The following ITPRID1 variants were observed in gnomAD, a reference collection of about 807,000 sequenced individuals.
ITPRID1 encodes the protein protein ITPRID1.
ITPRID1 carries 96 observed loss-of-function variants against 95.4 expected under a neutral mutation model. The ratio of observed to expected loss-of-function variants is 1.01; its 90% confidence interval spans 0.85 to 1.19. The LOEUF is 1.19. Among genes scored for constraint, ITPRID1 ranks in the 50% most tolerant of loss-of-function variants. The pLI is 0.00. For synonymous variants in ITPRID1, 510 were observed against 453.6 expected (o/e 1.12, Z -1.58); for missense variants, 1,339 against 1,252.9 (o/e 1.07, Z -1.04).
chr7:31,569,124 T>C (rs1784896760), intron 5 of ITPRID1, among the ~76,000 whole-genome samples: 1 of 152,228 alleles, frequency 6.6e-6, no homozygotes. Context: ...GATGCACTAC[T>C]TTTGACTGTA....
At chr7:31,641,358 G>C (rs191665860) in intron 10 of ITPRID1, among the ~76,000 whole-genome samples, 6 of 151,996 alleles carry the variant, frequency 3.9e-5, no homozygotes, top group African/African-American at 7.3e-5. Context: ...GACAGACAAG[G>C]CTCCTCCCTC....
At position 31,565,040 on chromosome 7, in the gene ITPRID1, T is replaced by C. The variant is rs538862818; in HGVS notation, c.257-4718T>C. ...AAATTTACCTTACAAATTAACAAAATGGGGAAAACCAAAACAAAACAACCA... is the reference window on the plus strand; with the variant it reads ...AAATTTACCTTACAAATTAACAAAACGGGGAAAACCAAAACAAAACAACCA... On this transcript the variant is annotated intron_variant, in intron 5 of 14. Transcript: ENST00000615280. Among the ~76,000 whole-genome samples, 12 of 152,216 alleles carry C rather than the reference T, an allele frequency of 7.9e-5. No homozygotes were observed. The South Asian group carries it at 2.5e-3, about 32-fold the overall frequency.
intron 10 of ITPRID1, among the ~76,000 whole-genome samples, chr7:31,606,903 T>G (rs1786649663): frequency 6.6e-6 from 1 of 152,200 alleles, no homozygotes; most frequent in Non-Finnish European, 1.5e-5. Flanking sequence ...GGTAATCTAG[T>G]AAATCTAATA....
chr7:31,567,254 G>A (rs1667162802), intron 5 of ITPRID1, among the ~76,000 whole-genome samples: 1 of 152,012 alleles, frequency 6.6e-6, no homozygotes, highest in Non-Finnish European at 1.5e-5. Context: ...CTTGATCATG[G>A]CTCCCTAGAA....
At chr7:31,611,239 A>G (rs1008652604) in intron 10 of ITPRID1, among the ~76,000 whole-genome samples, 1 of 151,436 alleles carries the variant, frequency 6.6e-6, no homozygotes, top group African/African-American at 2.4e-5. Flanking sequence ...GTATAGTTTT[A>G]TTTCCTCCTC....
chr7:31,554,762 ACT>A lies in ITPRID1; in HGVS notation c.213-93_213-92del, dbSNP rs1387674742. 15 of 1,125,968 alleles carry A rather than the reference ACT, an allele frequency of 1.3e-5. No homozygotes were observed. In the African/African-American group the frequency reaches 2.3e-4, roughly 17 times the overall value. The allele number at this position is 1,125,968 out of a possible 1,614,324, so 69.7% of individuals were successfully genotyped here. On this transcript the variant is annotated intron_variant, in intron 4 of 14. Transcript: ENST00000615280. Reference sequence around the variant, plus strand: ...AAAAGTCCTCTCTTACTAAAACCTAACTCTGCATTTGCTCTCACCTGTTTAAT... The same window carrying A: ...AAAAGTCCTCTCTTACTAAAACCTAACTGCATTTGCTCTCACCTGTTTAAT...
At chr7:31,567,995 A>G (rs1784858747) in intron 5 of ITPRID1, among the ~76,000 whole-genome samples, 1 of 152,146 alleles carries the variant, frequency 6.6e-6, no homozygotes, top group African/African-American at 2.4e-5. Context: ...ACATGGTGGT[A>G]CACACCTGTA....
rs201675506 is a variant in ITPRID1 at position 31,652,801 on chromosome 7, G to T, written c.3107G>T (p.Gly1036Val). 1.2e-4 allele frequency: 193 copies of T among 1,613,354 alleles called. No homozygotes were observed. Among genetic ancestry groups the T allele is most frequent in the Non-Finnish European group, 1.1e-4 (126 of 1,179,380 alleles). Residue 1036 changes from glycine to valine, a missense_variant, in exon 15 of 15, where the codon GGA (glycine) becomes GTA (valine). Coordinates refer to ENST00000615280, the MANE Select transcript of ITPRID1 (RefSeq NM_001257967.3). The stretch of plus-strand genomic sequence containing the variant: ...ACCCCTTTGTCAAATTGTCCTGTTG[G>T]AGAAAAGGATGCAGATGTCTTCCTC... ...GPTPLSNCPV[G>V]EKDADVFL
At chr7:31,599,546 C>G (rs980228240) in intron 10 of ITPRID1, among the ~76,000 whole-genome samples, 1 of 152,096 alleles carries the variant, frequency 6.6e-6, no homozygotes, top group Non-Finnish European at 1.5e-5. Flanking sequence ...TTTAATAGAG[C>G]TGATCGGTGG....
intron 10 of ITPRID1, among the ~76,000 whole-genome samples, chr7:31,610,890 TTA>T (rs1392513193): frequency 6.6e-6 from 1 of 151,418 alleles, no homozygotes; most frequent in Non-Finnish European, 1.5e-5. Context: ...TGTAGTTAGA[TTA>T]TGTTTTATTT....
Position 31,655,800 on chromosome 7 carries a change from C to T in ITPRID1, c.*2971C>T. ...TTACCCAGGTTGGGCTTTTGACCTC[C>T]CCTTCTCCATGTAGACTCCGAGCTC... On this transcript the variant is annotated 3_prime_UTR_variant, in exon 15 of 15. Transcript: ENST00000615280. The T allele has an allele frequency of 1.0e-6, 1 of 985,628 alleles. No individual in the cohort carries two copies. The highest frequency in any genetic ancestry group is 1.2e-6 in the Non-Finnish European group (1 of 830,014). The allele number at this position is 985,628 out of a possible 1,614,324, so 61.1% of individuals were successfully genotyped here.
intron 10 of ITPRID1, among the ~76,000 whole-genome samples, chr7:31,591,106 C>T (rs954950558): frequency 6.6e-6 from 1 of 152,160 alleles, no homozygotes; most frequent in African/African-American, 2.4e-5. Flanking sequence ...GCTGTGCCTC[C>T]AGGTCAAGAA....
At chr7:31,625,898 T>C (rs73315497) in intron 10 of ITPRID1, among the ~76,000 whole-genome samples, 18,139 of 152,216 alleles carry the variant, frequency 0.12, 1,231 homozygotes, top group Middle Eastern at 0.17. Context: ...ATTGAAACAT[T>C]GTATTTCAGA....
In ITPRID1 at chr7:31,652,942, A is replaced by C. The variant is rs1791095802; in HGVS notation, c.*113A>C. Reference sequence around the variant, plus strand: ...GGTCTGCCAACCCATTGTCAGCTATATCTCTCATATTCTACCCTTTGGTTA... The same window carrying C: ...GGTCTGCCAACCCATTGTCAGCTATCTCTCTCATATTCTACCCTTTGGTTA... On this transcript the variant is annotated 3_prime_UTR_variant, in exon 15 of 15. Coordinates refer to ENST00000615280, the MANE Select transcript of ITPRID1 (RefSeq NM_001257967.3). The C allele has an allele frequency of 2.0e-6, 3 of 1,500,140 alleles. No individual in the cohort carries two copies. The highest frequency in any genetic ancestry group is 2.3e-5 in the Admixed American group (1 of 42,704). The allele number at this position is 1,500,140 out of a possible 1,614,324, so 92.9% of individuals were successfully genotyped here.
chr7:31,626,021 C>G (rs1016004997), intron 10 of ITPRID1, among the ~76,000 whole-genome samples: 1 of 151,992 alleles, frequency 6.6e-6, no homozygotes, highest in Non-Finnish European at 1.5e-5. Context: ...ATGACTAACT[C>G]TATGATTTTT....
At chr7:31,574,456 G>A (rs1785103008) in intron 7 of ITPRID1, 84 bp from the exon 8 acceptor site, 3 of 1,180,462 alleles carry the variant, frequency 2.5e-6, no homozygotes, top group Non-Finnish European at 3.7e-6. Context: ...CAGTATCTGG[G>A]AGATTGGGTG....
At chr7:31,530,062 G>A (rs758947372) in intron 1 of ITPRID1, among the ~76,000 whole-genome samples, 7 of 152,100 alleles carry the variant, frequency 4.6e-5, no homozygotes, top group African/African-American at 9.7e-5. Context: ...TTACCCCCAG[G>A]ACTACCTAGG....
At chr7:31,644,873 C>G (rs959875159) in intron 12 of ITPRID1, among the ~76,000 whole-genome samples, 2 of 152,206 alleles carry the variant, frequency 1.3e-5, no homozygotes, top group East Asian at 1.9e-4. Flanking sequence ...AGTGGAACCA[C>G]GATTTACTGA....
intron 1 of ITPRID1, among the ~76,000 whole-genome samples, chr7:31,519,620 C>A (rs200106459): frequency 0.18 from 4,375 of 24,686 alleles, 537 homozygotes; most frequent in African/African-American, 0.32. Flanking sequence ...CTCTCTCTCT[C>A]TATATATATA....
Sources: allele counts gnomAD v4.1 joint callset (sites outside exome capture counted in the v4.1 genomes callset), GRCh38; gene constraint gnomAD v4.1.1; transcripts MANE v1.5; gene names NCBI Gene and HGNC (gene_info 2026-07-23, HGNC 2026-07-21).